The following DDX60L variants were observed in gnomAD, a reference collection of about 807,000 sequenced individuals.
DDX60L encodes probable ATP-dependent RNA helicase DDX60-like.
A neutral mutation model predicts 211.6 loss-of-function variants in DDX60L; 191 were observed. The ratio of observed to expected loss-of-function variants is 0.90; its 90% CI spans 0.80 to 1.02. The LOEUF (loss-of-function observed/expected upper bound fraction) is 1.02, where lower values mean the gene tolerates loss of function less well. Ranked by LOEUF, DDX60L falls within the 50% of genes least tolerant of loss-of-function variation. DDX60L has a pLI of 0.00. For synonymous variants in DDX60L, 706 were observed against 694.1 expected (o/e 1.02, Z -0.27); for missense variants, 2,007 against 1,984.1 (o/e 1.01, Z -0.22).
intron 37 of DDX60L, 58 bp downstream of exon 37, chr4:168,361,091 T>C (rs1282361155): frequency 8.2e-7 from 1 of 1,220,974 alleles, no homozygotes; most frequent in Non-Finnish European, 1.2e-6. Context: ...GGAAGAGCTA[T>C]ATGTTTGCTA....
intron 4 of DDX60L, 72 bp from the exon 5 acceptor site, chr4:168,462,112 ACAG>A: frequency 8.4e-7 from 1 of 1,188,948 alleles, no homozygotes; most frequent in South Asian, 1.6e-5. Flanking sequence ...TTTGTTGCTT[ACAG>A]CACAAAGCTA....
At chr4:168,427,595 G>A (rs1033839833) in intron 13 of DDX60L, among the ~76,000 whole-genome samples, 3 of 152,096 alleles carry the variant, frequency 2.0e-5, no homozygotes, top group Non-Finnish European at 2.9e-5. Flanking sequence ...AAAGTAAATG[G>A]AAGAAAACAA....
At chr4:168,443,528 G>A (rs1293130218) in intron 9 of DDX60L, among the ~76,000 whole-genome samples, 6 of 151,896 alleles carry the variant, frequency 4.0e-5, no homozygotes, top group Non-Finnish European at 7.4e-5. Flanking sequence ...TATAGAGAAC[G>A]CCAAAAAGAT....
Position 168,432,494 on chromosome 4 carries a change from G to C in DDX60L, c.1477C>G (p.Leu493Val), listed in dbSNP as rs761291783. 1 of 1,582,830 alleles carries C rather than the reference G, an allele frequency of 6.3e-7. No individual in the cohort carries two copies. Among genetic ancestry groups the C allele is most frequent in the Non-Finnish European group, 8.6e-7 (1 of 1,162,254 alleles). Reference protein sequence around the residue: ...ELLHWHAQRLLSDDYDRIKCH... With the variant: ...ELLHWHAQRLVSDDYDRIKCH... ...TTGATCCTGTCATAGTCGTCACTAA[G>C]GAGTCTTTGAGCATGCCAGTGCAAA... Residue 493 changes from leucine to valine, a missense_variant, in exon 12 of 38, where the codon CTT becomes GTT. Transcript: ENST00000682922.
At chr4:168,359,931 G>A (rs1738820356) in intron 37 of DDX60L, among the ~76,000 whole-genome samples, 1 of 152,008 alleles carries the variant, frequency 6.6e-6, no homozygotes, top group African/African-American at 2.4e-5. Flanking sequence ...TATTCTCCCT[G>A]CTTAAAATCT....
At position 168,416,723 on chromosome 4, in the gene DDX60L, C is replaced by G; in HGVS notation, c.2685G>C (p.Leu895Phe). 1 of 1,605,918 alleles carries G rather than the reference C, an allele frequency of 6.2e-7. No individual in the cohort carries two copies. Among genetic ancestry groups the G allele is most frequent in the Middle Eastern group, 1.7e-4 (1 of 6,016 alleles). Residue 895 changes from leucine to phenylalanine, a missense_variant, in exon 20 of 38, where the codon TTG becomes TTC. Transcript: ENST00000682922. ...GGTTATTTATGGTAGCTGAAAGAAC[C>G]AAAAAGGGACATCGAATAATGACAA... ...LLLVIIRCPF[L>F]VLSATINNPN...
chr4:168,425,766 CA>C (rs1022725280), intron 14 of DDX60L, among the ~76,000 whole-genome samples: 1 of 150,422 alleles, frequency 6.6e-6, no homozygotes, highest in East Asian at 1.9e-4. Context: ...GACTCCATCC[CA>C]AAAAAAAGAA....
At chr4:168,382,958 A>C (rs921719815) in intron 30 of DDX60L, among the ~76,000 whole-genome samples, 1 of 152,216 alleles carries the variant, frequency 6.6e-6, no homozygotes, top group African/African-American at 2.4e-5. Context: ...GATGCTAAGA[A>C]GTCCTTGACT....
rs373815155 is a variant in DDX60L, at chr4:168,375,530, G to T, written c.4486-6C>A. ...GGGAGTTCGGCAAGGATCACCTATG[G>T]GCGAAATACATTTCAGAAAGATCTC... On this transcript the variant is annotated splice_polypyrimidine_tract_variant and splice_region_variant and intron_variant, in intron 33 of 37. Transcript: ENST00000682922. 6.3e-7 allele frequency: 1 copy of T among 1,577,832 alleles called. No individual in the cohort carries two copies. Among genetic ancestry groups the T allele is most frequent in the African/African-American group, 1.4e-5 (1 of 72,892 alleles).
At chr4:168,451,836 T>A (rs778837677) in intron 8 of DDX60L, among the ~76,000 whole-genome samples, 4 of 152,182 alleles carry the variant, frequency 2.6e-5, no homozygotes, top group Non-Finnish European at 5.9e-5. Context: ...GAGCTCCTTG[T>A]GGCATTCGCA....
chr4:168,361,005 C>A lies in DDX60L; in HGVS notation c.4991+144G>T, dbSNP rs1739014281. 6 of 632,716 alleles carry A rather than the reference C, an allele frequency of 9.5e-6. No homozygotes were observed. The Admixed American group carries it at 1.4e-4, about 15-fold the overall frequency. 39.2% of individuals were successfully genotyped at this position (632,716 alleles called of 1,614,324 possible). On this transcript the variant is annotated intron_variant, in intron 37 of 37. Coordinates refer to ENST00000682922, the MANE Select transcript of DDX60L (RefSeq NM_001012967.3). ...ATGGGTCTACAGAGCCTTTGGATAG[C>A]TGAATTGTAGAGAACCTGGGAGGCT...
intron 36 of DDX60L, among the ~76,000 whole-genome samples, 188 bp downstream of exon 36, chr4:168,371,424 T>C (rs981056505): frequency 6.8e-6 from 1 of 147,928 alleles, no homozygotes; most frequent in Non-Finnish European, 1.5e-5. Context: ...TTATGATTCA[T>C]CTGTATTTTA....
rs1310617692 is a variant in DDX60L at position 168,423,960 on chromosome 4, TAC to T, written c.1931-188_1931-187del. On this transcript the variant is annotated intron_variant, in intron 14 of 37. Transcript: ENST00000682922. ...GATTAAATTAAATTAAAACTCCATC[TAC>T]ACACATTTAATTATCATCTTAAGTA... 7.2e-5 allele frequency among the ~76,000 whole-genome samples: 11 copies of T among 152,332 alleles called. No homozygotes were observed. In the East Asian group the frequency reaches 2.1e-3, roughly 29 times the overall value.
intron 36 of DDX60L, among the ~76,000 whole-genome samples, chr4:168,371,119 AAT>A (rs138884335): frequency 0.024 from 3,710 of 151,758 alleles, 169 homozygotes; most frequent in African/African-American, 0.084. Context: ...CATAAAAAAT[AAT>A]ATTTTATATA....
chr4:168,398,310 C>A (rs1161211008), intron 26 of DDX60L, among the ~76,000 whole-genome samples: 1 of 152,238 alleles, frequency 6.6e-6, no homozygotes, highest in African/African-American at 2.4e-5. Flanking sequence ...GCTGTCACAA[C>A]CTAGCCAGGT....
Position 168,406,124 on chromosome 4 carries a change from A to G in DDX60L, c.3085-46T>C, listed in dbSNP as rs1005106911. 10 of 1,550,332 alleles carry G rather than the reference A, an allele frequency of 6.5e-6. No homozygotes were observed. The African/African-American group carries it at 9.8e-5, about 15-fold the overall frequency. ...AAAATTAAGCTAAGCTATGCAATCT[A>G]TAGTAAGAAAAATACAATGATGTAT... On this transcript the variant is annotated intron_variant, in intron 23 of 37. Coordinates refer to ENST00000682922, the MANE Select transcript of DDX60L (RefSeq NM_001012967.3).
chr4:168,465,155 T>TA (rs566340158), intron 4 of DDX60L, among the ~76,000 whole-genome samples: 1 of 13,950 alleles, frequency 7.2e-5, no homozygotes, highest in East Asian at 0.011. Flanking sequence ...CTTACTAGCA[T>TA]TTTTTTTTTG....
intron 4 of DDX60L, chr4:168,469,942 G>A (rs1461457932): frequency 6.6e-6 from 1 of 152,136 alleles, no homozygotes; most frequent in Non-Finnish European, 1.5e-5. Flanking sequence ...ACAAGAGGTT[G>A]TATACAGAAT....
At chr4:168,410,427 T>G (rs774098157) in intron 22 of DDX60L, among the ~76,000 whole-genome samples, 1 of 152,210 alleles carries the variant, frequency 6.6e-6, no homozygotes, top group East Asian at 1.9e-4. Context: ...GAGGAAAGTC[T>G]AAGTTATAGA....
Sources: allele counts gnomAD v4.1 joint callset (sites outside exome capture counted in the v4.1 genomes callset), GRCh38; gene constraint gnomAD v4.1.1; transcripts MANE v1.5; gene names NCBI Gene and HGNC (gene_info 2026-07-23, HGNC 2026-07-21).